The following MAP2K6 variants were observed in gnomAD, a reference collection of about 807,000 sequenced individuals.
MAP2K6 encodes the protein mitogen-activated protein kinase kinase 6.
MAP2K6 carries 16 observed loss-of-function variants against 53.7 expected under a neutral mutation model. That is an observed-to-expected ratio of 0.30 (90% CI 0.20 to 0.45). The LOEUF (loss-of-function observed/expected upper bound fraction) is 0.45, where lower values mean the gene tolerates loss of function less well. Ranked by LOEUF, MAP2K6 falls within the 20% of genes least tolerant of loss-of-function variation. The pLI is 1.00. For missense variants in MAP2K6, 204 were observed against 411.9 expected (o/e 0.50, Z 4.37); for synonymous variants, 132 against 143.1 (o/e 0.92, Z 0.55).
intron 2 of MAP2K6, among the ~76,000 whole-genome samples, chr17:69,507,804 A>G (rs1909589914): frequency 6.6e-6 from 1 of 152,170 alleles, no homozygotes; most frequent in South Asian, 2.1e-4. Flanking sequence ...AAGTTCCTGC[A>G]TGAGAATAGG....
At chr17:69,432,207 T>A (rs117398586) in intron 1 of MAP2K6, among the ~76,000 whole-genome samples, 2,564 of 152,354 alleles carry the variant, frequency 0.017, 60 homozygotes, top group South Asian at 0.066. Context: ...ATCATTCTTT[T>A]AATACAAACT....
chr17:69,521,187 G>A, intron 7 of MAP2K6, 87 bp downstream of exon 7: 3 of 1,181,362 alleles, frequency 2.5e-6, no homozygotes, highest in Non-Finnish European at 1.2e-6. Flanking sequence ...AGTCCCCCAT[G>A]GGTGGAAGTA....
chr17:69,529,449 T>C (rs529093571), intron 10 of MAP2K6, among the ~76,000 whole-genome samples: 97 of 152,242 alleles, frequency 6.4e-4, no homozygotes, highest in Middle Eastern at 3.4e-3. Flanking sequence ...ATCAGAGCAT[T>C]GAAACTTTTT....
rs536215245 is a variant in MAP2K6 at position 69,528,627 on chromosome 17, G to A, written c.881+1918G>A. ...TAATTCCAGCACTTTGGGAGGCCAA[G>A]GTGGGCGGATCACTTGAGGTCAGGA... On this transcript the variant is annotated intron_variant, in intron 10 of 11. Transcript: ENST00000590474. Among the ~76,000 whole-genome samples, 3 of 152,120 alleles carry A rather than the reference G, an allele frequency of 2.0e-5. No individual in the cohort carries two copies. The South Asian group carries it at 6.2e-4, about 32-fold the overall frequency.
In MAP2K6 at chr17:69,546,555, A is replaced by G. The variant is rs1911886145; in HGVS notation, c.*4802A>G. ...GTTTCTCTTAAAAGTGTCTAACAAA[A>G]CACTTTTTTCTTTGGCCTGAAAGGA... On this transcript the variant is annotated 3_prime_UTR_variant, in exon 12 of 12. Transcript: ENST00000590474. 6.6e-6 allele frequency: 1 copy of G among 151,190 alleles called. No individual in the cohort carries two copies. The highest frequency in any genetic ancestry group is 2.1e-4 in the South Asian group (1 of 4,836). 9.4% of individuals were successfully genotyped at this position (151,190 alleles called of 1,614,324 possible).
chr17:69,417,366 C>T (rs1905938117), intron 1 of MAP2K6, among the ~76,000 whole-genome samples: 3 of 152,090 alleles, frequency 2.0e-5, no homozygotes, highest in African/African-American at 7.2e-5. Context: ...AGGACCTTTA[C>T]GAACTTTCTA....
Position 69,553,599 on chromosome 17 carries a change from A to G in MAP2K6, c.*11846A>G, listed in dbSNP as rs1417970328. The G allele has an allele frequency of 6.6e-6, 1 of 152,252 alleles. No individual in the cohort carries two copies. Among genetic ancestry groups the G allele is most frequent in the Admixed American group, 6.5e-5 (1 of 15,288 alleles). 9.4% of individuals were successfully genotyped at this position (152,252 alleles called of 1,614,324 possible). A position where few individuals can be genotyped will look rare whatever the true frequency, so the allele number is the denominator to read the frequency against. ...GTAACTGGTCTCCAGATGTGTGTAT[A>G]TGCGTGTAAAACTTCACACCGTGTG... On this transcript the variant is annotated 3_prime_UTR_variant, in exon 12 of 12. Coordinates refer to ENST00000590474, the MANE Select transcript of MAP2K6 (RefSeq NM_002758.4).
At chr17:69,447,649 A>G (rs1158066450) in intron 1 of MAP2K6, among the ~76,000 whole-genome samples, 1 of 152,132 alleles carries the variant, frequency 6.6e-6, no homozygotes, top group Non-Finnish European at 1.5e-5. Flanking sequence ...CCCGGCTAGG[A>G]ATTGGAATTT....
At chr17:69,501,508 A>T (rs746188905) in intron 1 of MAP2K6, among the ~76,000 whole-genome samples, 41 of 151,626 alleles carry the variant, frequency 2.7e-4, no homozygotes, top group Non-Finnish European at 5.2e-4. Flanking sequence ...GGCTTTTTAA[A>T]TTTTTTTTTC....
intron 1 of MAP2K6, among the ~76,000 whole-genome samples, chr17:69,472,563 G>A (rs1908016215): frequency 6.6e-6 from 1 of 152,156 alleles, no homozygotes; most frequent in African/African-American, 2.4e-5. Context: ...ATCTGAGTGA[G>A]TGTGGGTGAG....
In MAP2K6 at chr17:69,453,061, A is replaced by T. The variant is rs111240329; in HGVS notation, c.16+38061A>T. Among the ~76,000 whole-genome samples the T allele has an allele frequency of 5.8e-3, 890 of 152,320 alleles. 6 individuals carry two copies. The highest frequency in any genetic ancestry group is 0.02 in the African/African-American group (813 of 41,550). ...TTTAAGCGTTGGGACGAAGTGACTC[A>T]TGGAGACACTTTGCCTTTTGCTGGG... On this transcript the variant is annotated intron_variant, in intron 1 of 11. Transcript: ENST00000590474.
intron 10 of MAP2K6, among the ~76,000 whole-genome samples, chr17:69,528,150 G>T (rs959085758): frequency 1.4e-5 from 2 of 146,264 alleles, no homozygotes; most frequent in Admixed American, 6.8e-5. Flanking sequence ...CATTCATCAG[G>T]AAACATGGAA....
intron 1 of MAP2K6, among the ~76,000 whole-genome samples, chr17:69,502,934 A>T (rs1410237596): frequency 1.3e-5 from 2 of 152,206 alleles, no homozygotes; most frequent in Non-Finnish European, 2.9e-5. Flanking sequence ...TTGCTATATT[A>T]AAGTTTTCCA....
intron 1 of MAP2K6, among the ~76,000 whole-genome samples, chr17:69,440,976 G>A (rs564393575): frequency 9.2e-5 from 14 of 152,172 alleles, no homozygotes; most frequent in South Asian, 2.1e-4. Flanking sequence ...GGGCACATGC[G>A]TGAGTGTGTA....
intron 10 of MAP2K6, among the ~76,000 whole-genome samples, chr17:69,534,249 C>T (rs16974166): frequency 0.045 from 6,811 of 152,266 alleles, 517 homozygotes; most frequent in African/African-American, 0.15. Flanking sequence ...ACAAAACCAT[C>T]GGTGGGAGTT....
At chr17:69,489,897 C>T (rs1260289440) in intron 1 of MAP2K6, among the ~76,000 whole-genome samples, 1 of 152,198 alleles carries the variant, frequency 6.6e-6, no homozygotes, top group Non-Finnish European at 1.5e-5. Flanking sequence ...CTACTGTGTT[C>T]TTTTGCTAGG....
intron 7 of MAP2K6, among the ~76,000 whole-genome samples, chr17:69,522,890 CAAA>C (rs34231223): frequency 1.6e-4 from 16 of 98,836 alleles, no homozygotes; most frequent in South Asian, 3.4e-4. Context: ...TCCTGTCTGT[CAAA>C]AAAAAAAAAA....
chr17:69,434,016 A>G (rs1598259719), intron 1 of MAP2K6: 3 of 152,162 alleles, frequency 2.0e-5, no homozygotes, highest in African/African-American at 7.2e-5. Context: ...GATTAGCATC[A>G]TTTTGTATTT....
chr17:69,511,691 G>A (rs1205317108), intron 2 of MAP2K6, among the ~76,000 whole-genome samples: 1 of 152,212 alleles, frequency 6.6e-6, no homozygotes, highest in Non-Finnish European at 1.5e-5. Flanking sequence ...GTTGAGCATA[G>A]CTTCATGGGT....
Sources: gnomAD v4.1 joint callset for allele counts (sites outside exome capture counted in the v4.1 genomes callset) on GRCh38, gnomAD v4.1.1 for gene constraint, MANE v1.5 for transcripts, NCBI Gene and HGNC (gene_info 2026-07-23, HGNC 2026-07-21) for gene names.